Variants in C2orf76 observed in about 807,000 individuals in gnomAD.
The protein encoded by C2orf76 is chromosome 2 open reading frame 76.
A neutral mutation model predicts 16.9 loss-of-function variants in C2orf76; 23 were observed. The ratio of observed to expected loss-of-function variants is 1.36; its 90% CI spans 0.98 to 1.93. The LOEUF (loss-of-function observed/expected upper bound fraction) is 1.93. C2orf76 is among the 30% of genes most tolerant of loss of function. The pLI is 0.00. For missense variants in C2orf76, 152 were observed against 152.6 expected, an observed-to-expected ratio of 1.00 and a Z score of 0.02; for synonymous variants, 48 against 52.3, an observed-to-expected ratio of 0.92 and a Z score of 0.35.
At chr2:119,305,198 T>C (rs1678739204) in intron 5 of C2orf76, among the ~76,000 whole-genome samples, 1 of 152,208 alleles carries the variant, frequency 6.6e-6, no homozygotes, top group Non-Finnish European at 1.5e-5. Flanking sequence ...ATCCTTTTAA[T>C]ACTGATGTTC....
the C2orf76 span, among the ~76,000 whole-genome samples, chr2:119,294,096 G>T: frequency 6.6e-6 from 1 of 152,092 alleles, no homozygotes; most frequent in Non-Finnish European, 1.5e-5. Flanking sequence ...GAAGTCAGAG[G>T]ACCGAGCCCT....
chr2:119,294,419 T>C, the C2orf76 span, among the ~76,000 whole-genome samples: 3 of 151,916 alleles, frequency 2.0e-5, no homozygotes, highest in Non-Finnish European at 4.4e-5. Flanking sequence ...GCTCTTGTGG[T>C]AGGGTTCGGA....
intron 1 of C2orf76, among the ~76,000 whole-genome samples, chr2:119,360,008 T>A (rs1331275920): frequency 6.6e-6 from 1 of 152,160 alleles, no homozygotes; most frequent in Admixed American, 6.5e-5. Context: ...ACAACAAACA[T>A]CATTGTTAGC....
intron 5 of C2orf76, among the ~76,000 whole-genome samples, chr2:119,303,190 G>A (rs919583683): frequency 6.6e-6 from 1 of 152,176 alleles, no homozygotes; most frequent in Non-Finnish European, 1.5e-5. Context: ...AAGGGAGATG[G>A]CACAGCTAAA....
At chr2:119,341,489 T>A (rs541788911) in intron 1 of C2orf76, among the ~76,000 whole-genome samples, 2 of 152,234 alleles carry the variant, frequency 1.3e-5, no homozygotes, top group East Asian at 3.8e-4. Context: ...ATACACAGTA[T>A]GGTTAACTTT....
At chr2:119,366,646 A>T (rs965713328) in intron 1 of C2orf76, 144 bp downstream of exon 1, 1 of 417,678 alleles carries the variant, frequency 2.4e-6, no homozygotes, top group South Asian at 1.9e-5. Context: ...TTAAGGAAAG[A>T]AAAGAAACAT....
chr2:119,318,532 A>ATTTT (rs10661549), intron 3 of C2orf76, among the ~76,000 whole-genome samples: 6 of 144,346 alleles, frequency 4.2e-5, no homozygotes, highest in Admixed American at 7.0e-5. Flanking sequence ...ATCTATTGCA[A>ATTTT]TTTTTTTTTT....
the C2orf76 span, among the ~76,000 whole-genome samples, chr2:119,282,413 C>G: frequency 6.6e-5 from 10 of 152,316 alleles, 1 homozygote; most frequent in East Asian, 1.9e-3. Flanking sequence ...TTCGGCACTT[C>G]CCAGTAGGTG....
chr2:119,282,576 C>A, the C2orf76 span, among the ~76,000 whole-genome samples: 1 of 152,186 alleles, frequency 6.6e-6, no homozygotes, highest in Non-Finnish European at 1.5e-5. Context: ...CCAAGCCTCC[C>A]GTCCAGCATG....
upstream of C2orf76, chr2:119,366,968 G>A: frequency 3.2e-6 from 5 of 1,583,208 alleles, no homozygotes; most frequent in Non-Finnish European, 4.3e-6. Context: ...GCCTCTAAAG[G>A]CGCTTGCCAG....
intron 1 of C2orf76, among the ~76,000 whole-genome samples, chr2:119,340,814 C>T (rs944759463): frequency 4.7e-5 from 7 of 149,268 alleles, no homozygotes; most frequent in Non-Finnish European, 8.9e-5. Flanking sequence ...ATTGGAAAAC[C>T]ACCCCAAATT....
the C2orf76 span, among the ~76,000 whole-genome samples, chr2:119,285,616 T>C: frequency 6.6e-6 from 1 of 152,186 alleles, no homozygotes; most frequent in East Asian, 1.9e-4. Context: ...TGTCAGGGCA[T>C]GGAGAAAATG....
In C2orf76 at chr2:119,324,825, G is replaced by C. The variant is rs73948653; in HGVS notation, c.134-3621C>G. On this transcript the variant is annotated intron_variant, in intron 2 of 5. Transcript: ENST00000334816. ...CATTAGACACACTCCAGTGAGATAA[G>C]AGCTTTAACCAAAATACATATAAAG... Among the ~76,000 whole-genome samples the C allele has an allele frequency of 6.0e-3, 917 of 152,230 alleles. 10 individuals carry two copies. Among genetic ancestry groups the C allele is most frequent in the African/African-American group, 0.02 (820 of 41,508 alleles).
At chr2:119,294,427 G>A in the C2orf76 span, among the ~76,000 whole-genome samples, 8 of 152,240 alleles carry the variant, frequency 5.3e-5, no homozygotes, top group Admixed American at 4.6e-4. Flanking sequence ...GGTAGGGTTC[G>A]GAAGGGAGAG....
chr2:119,344,636 C>T (rs1220838031), intron 1 of C2orf76, among the ~76,000 whole-genome samples: 2 of 152,094 alleles, frequency 1.3e-5, no homozygotes, highest in Non-Finnish European at 1.5e-5. Flanking sequence ...TGAGCTTTGT[C>T]AGCAAAGTCA....
chr2:119,321,037 A>G, intron 3 of C2orf76, 117 bp downstream of exon 3: 1 of 511,708 alleles, frequency 2.0e-6, no homozygotes, highest in South Asian at 3.4e-5. Context: ...TTCTAAATAA[A>G]CTTCCAAATT....
chr2:119,292,348 G>T, the C2orf76 span, among the ~76,000 whole-genome samples: 1 of 151,950 alleles, frequency 6.6e-6, no homozygotes, highest in Non-Finnish European at 1.5e-5. Context: ...CCACCACAGC[G>T]TTTGAGTTTT....
chr2:119,345,041 T>C (rs1399947249), intron 1 of C2orf76, among the ~76,000 whole-genome samples: 1 of 152,156 alleles, frequency 6.6e-6, no homozygotes, highest in Non-Finnish European at 1.5e-5. Flanking sequence ...TATTTAACTA[T>C]AAAATCATGA....
the C2orf76 span, among the ~76,000 whole-genome samples, chr2:119,284,217 G>A: frequency 1.3e-5 from 2 of 152,182 alleles, no homozygotes; most frequent in African/African-American, 4.8e-5. Context: ...AGGACAGCAT[G>A]CCTCACTGAC....
Sources: gnomAD v4.1 joint callset for allele counts (sites outside exome capture counted in the v4.1 genomes callset) on GRCh38, gnomAD v4.1.1 for gene constraint, MANE v1.5 for transcripts, NCBI Gene and HGNC (gene_info 2026-07-23, HGNC 2026-07-21) for gene names.